The following LIMK2 variants were observed in gnomAD, a reference collection of about 807,000 sequenced individuals.
LIMK2 encodes the protein LIM domain kinase 2.
Under a neutral mutation model 75.7 loss-of-function variants are expected in LIMK2, and 35 were observed. The ratio of observed to expected loss-of-function variants is 0.46; its 90% CI spans 0.35 to 0.61. LIMK2 has a LOEUF of 0.61. Among genes scored for constraint, LIMK2 ranks in the 20% least tolerant of loss-of-function variants. The probability of loss-of-function intolerance (pLI) is 0.00; values close to 1 mark genes in which losing one functional copy is unlikely to be tolerated. For synonymous variants in LIMK2, 301 were observed against 319.2 expected (o/e 0.94, Z 0.61); for missense variants, 623 against 831.0 (o/e 0.75, Z 3.08).
chr22:31,262,278 A>G lies in LIMK2; in HGVS notation c.657+39A>G. The G allele has an allele frequency of 6.9e-7, 1 of 1,457,378 alleles. No individual in the cohort carries two copies. Among genetic ancestry groups the G allele is most frequent in the Non-Finnish European group, 9.6e-7 (1 of 1,036,918 alleles). 90.3% of individuals were successfully genotyped at this position (1,457,378 alleles called of 1,614,324 possible). A position where few individuals can be genotyped will look rare whatever the true frequency, so the allele number is the denominator to read the frequency against. The stretch of plus-strand genomic sequence containing the variant: ...CTAATCTGTCTTGTGAGGGTGGGAC[A>G]TGGAACAGATCCTCTGAGAAATCAG... On this transcript the variant is annotated intron_variant, in intron 6 of 15. Coordinates refer to ENST00000331728, the MANE Select transcript of LIMK2 (RefSeq NM_005569.4). This position sits in a 1 kb window ranked among gnomAD's most constrained non-coding sequence, Gnocchi z 5.0.
At chr22:31,277,919 A>G (rs2049048715) in intron 15 of LIMK2, among the ~76,000 whole-genome samples, 1 of 152,188 alleles carries the variant, frequency 6.6e-6, no homozygotes, top group Non-Finnish European at 1.5e-5. Flanking sequence ...AAGCATAAAC[A>G]TGGAGGAGGA....
At chr22:31,246,972 C>T (rs926691137) in intron 2 of LIMK2, among the ~76,000 whole-genome samples, 6 of 152,162 alleles carry the variant, frequency 3.9e-5, no homozygotes, top group Non-Finnish European at 1.5e-5. Context: ...TAAATGGTAG[C>T]TTCTTAACAG....
chr22:31,219,332 G>A (rs2048414351), intron 1 of LIMK2, among the ~76,000 whole-genome samples: 1 of 152,134 alleles, frequency 6.6e-6, no homozygotes, highest in Admixed American at 6.5e-5. Context: ...TGAATGTAAA[G>A]TGAATGTATT....
chr22:31,239,150 G>A (rs1181347569), intron 2 of LIMK2, among the ~76,000 whole-genome samples: 1 of 152,162 alleles, frequency 6.6e-6, no homozygotes, highest in Non-Finnish European at 1.5e-5. Flanking sequence ...ATTTCACATG[G>A]GCATATACAC....
At chr22:31,212,541 C>T in intron 1 of LIMK2, 117 bp downstream of exon 1, 2 of 1,050,618 alleles carry the variant, frequency 1.9e-6, no homozygotes, top group Non-Finnish European at 2.5e-6. Context: ...CTCGTGGGTC[C>T]GAGCTCCTCA....
intron 3 of LIMK2, 119 bp downstream of exon 3, chr22:31,258,545 T>C (rs2048807913): frequency 5.0e-6 from 5 of 1,001,432 alleles, no homozygotes; most frequent in Non-Finnish European, 7.4e-6. Context: ...TCTCCCTTTA[T>C]TTATTCATTC....
At chr22:31,254,088 T>A (rs2048752590) in intron 2 of LIMK2, among the ~76,000 whole-genome samples, 1 of 152,242 alleles carries the variant, frequency 6.6e-6, no homozygotes, top group South Asian at 2.1e-4. Flanking sequence ...CACAGATATG[T>A]GGACTGGTGA....
intron 2 of LIMK2, among the ~76,000 whole-genome samples, chr22:31,246,183 G>GCACACACACACACACACACA (rs57524309): frequency 0.038 from 5,074 of 134,964 alleles, 178 homozygotes; most frequent in Non-Finnish European, 0.051. Flanking sequence ...ACGCACGCAC[G>GCACACACACACACACACACA]CACACACACA....
intron 2 of LIMK2, among the ~76,000 whole-genome samples, chr22:31,256,536 C>A (rs1410654699): frequency 3.8e-4 from 58 of 151,764 alleles, no homozygotes; most frequent in Admixed American, 3.8e-3. Flanking sequence ...GACCAGGTTT[C>A]ACCATGTTGG....
intron 2 of LIMK2, among the ~76,000 whole-genome samples, chr22:31,239,166 A>G (rs1289472934): frequency 6.6e-6 from 1 of 152,236 alleles, no homozygotes. Flanking sequence ...TACACGGCCA[A>G]CTGTAGACTT....
At chr22:31,248,338 T>A in intron 2 of LIMK2, 1 of 1,227,170 alleles carries the variant, frequency 8.1e-7, no homozygotes, top group South Asian at 1.5e-5. Context: ...CATTCAGGGG[T>A]GGGACTGAAG....
intron 2 of LIMK2, among the ~76,000 whole-genome samples, chr22:31,250,362 G>A (rs932066999): frequency 6.6e-6 from 1 of 152,120 alleles, no homozygotes; most frequent in African/African-American, 2.4e-5. Context: ...AGCCAGGGAG[G>A]ACACAACTTC....
At chr22:31,272,501 A>T in intron 12 of LIMK2, 29 bp from the exon 13 acceptor site, 2 of 1,575,878 alleles carry the variant, frequency 1.3e-6, no homozygotes, top group Non-Finnish European at 1.7e-6. Flanking sequence ...CATCCCCATG[A>T]AGTCCTGACC....
chr22:31,216,595 A>T (rs529763379), intron 1 of LIMK2, among the ~76,000 whole-genome samples: 1 of 152,296 alleles, frequency 6.6e-6, no homozygotes, highest in East Asian at 1.9e-4. Context: ...CCAATAAAAG[A>T]TGCCTCCTGA....
Position 31,278,460 on chromosome 22 carries a change from C to A in LIMK2, c.*19C>A. On this transcript the variant is annotated 3_prime_UTR_variant, in exon 16 of 16. Coordinates refer to ENST00000331728, the MANE Select transcript of LIMK2 (RefSeq NM_005569.4). ...TCCCTAGCCCTGGCCCAGCCCCCTG[C>A]AGGGGGGTGTTCTACAGCCAGCATT... The A allele has an allele frequency of 6.3e-7, 1 of 1,587,122 alleles. No individual in the cohort carries two copies.
At chr22:31,254,815 C>T (rs1260387066) in intron 2 of LIMK2, among the ~76,000 whole-genome samples, 9 of 152,012 alleles carry the variant, frequency 5.9e-5, no homozygotes, top group African/African-American at 1.9e-4. Context: ...AAAAATTAGC[C>T]GGGTGTGGTG....
intron 5 of LIMK2, among the ~76,000 whole-genome samples, chr22:31,260,340 A>C (rs764112780): frequency 1.3e-5 from 2 of 152,212 alleles, no homozygotes; most frequent in African/African-American, 4.8e-5. Flanking sequence ...GCTCTTTGAA[A>C]TCATCTGGCT....
intron 5 of LIMK2, among the ~76,000 whole-genome samples, chr22:31,261,545 CAAA>C (rs574806431): frequency 7.9e-6 from 1 of 126,360 alleles, no homozygotes. Flanking sequence ...GACTCCATCT[CAAA>C]AAAAAAAAAG....
At chr22:31,270,548 G>T (rs959410554) in intron 11 of LIMK2, among the ~76,000 whole-genome samples, 1 of 152,200 alleles carries the variant, frequency 6.6e-6, no homozygotes, top group Non-Finnish European at 1.5e-5. Context: ...CCTGAGAGTG[G>T]TAAGAGTCAG....
Sources: allele counts gnomAD v4.1 joint callset (sites outside exome capture counted in the v4.1 genomes callset), GRCh38; gene constraint gnomAD v4.1.1; non-coding constraint Gnocchi (gnomAD v3.1); transcripts MANE v1.5; gene names NCBI Gene and HGNC (gene_info 2026-07-23, HGNC 2026-07-21).